Variants in KIF2C observed in about 807,000 individuals in gnomAD.
KIF2C encodes the protein kinesin family member 2C.
In KIF2C, 34 loss-of-function variants were observed where a neutral mutation model predicts 97.4. That is an observed-to-expected ratio of 0.35 (90% CI 0.27 to 0.46). The LOEUF (loss-of-function observed/expected upper bound fraction) is 0.46. KIF2C is among the 20% of genes least tolerant of loss of function. KIF2C has a pLI of 1.00. For missense variants in KIF2C, 750 were observed against 907.6 expected (o/e 0.83, Z 2.23); for synonymous variants, 313 against 318.2 (o/e 0.98, Z 0.17).
rs1162090060 is a variant in KIF2C, at chr1:44,767,183, C to G, written c.*4C>G. The G allele has an allele frequency of 1.9e-6, 3 of 1,613,636 alleles. No homozygotes were observed. The African/African-American group carries it at 4.0e-5, about 22-fold the overall frequency. On this transcript the variant is annotated 3_prime_UTR_variant, in exon 21 of 21. Transcript: ENST00000372224. ...CAGCAAGAAACGGCCCCAGTGACGA[C>G]TGCAAATAAAAATCTGTTTGGTTTG... is the stretch of plus-strand genomic sequence containing the variant.
At chr1:44,752,929 G>T (rs1321906642) in intron 5 of KIF2C, among the ~76,000 whole-genome samples, 1 of 152,170 alleles carries the variant, frequency 6.6e-6, no homozygotes, top group Non-Finnish European at 1.5e-5. Flanking sequence ...TACCCTTTAA[G>T]ATATTTTGAC....
intron 2 of KIF2C, among the ~76,000 whole-genome samples, chr1:44,744,315 C>T (rs1056788628): frequency 5.3e-5 from 8 of 152,120 alleles, no homozygotes; most frequent in African/African-American, 1.4e-4. Flanking sequence ...CCCATGTTGA[C>T]CAGGCTGGTC....
intron 17 of KIF2C, 42 bp from the exon 18 acceptor site, chr1:44,762,304 C>G (rs199580199): frequency 6.5e-7 from 1 of 1,540,894 alleles, no homozygotes; most frequent in African/African-American, 1.4e-5. Context: ...TGGTGAGTAC[C>G]AAGGGGGTGC....
At chr1:44,745,138 G>A (rs529442591) in intron 2 of KIF2C, among the ~76,000 whole-genome samples, 1 of 150,990 alleles carries the variant, frequency 6.6e-6, no homozygotes, top group East Asian at 2.0e-4. Flanking sequence ...CCAGTGAGCC[G>A]AGATCATGCC....
intron 5 of KIF2C, among the ~76,000 whole-genome samples, chr1:44,751,821 C>CTTTTTTT (rs375561958): frequency 1.0e-5 from 1 of 100,098 alleles, no homozygotes; most frequent in Non-Finnish European, 1.8e-5. Flanking sequence ...CTTTTTATAC[C>CTTTTTTT]TTTTTTTTTT....
In KIF2C at chr1:44,757,916, C is replaced by T. The variant is rs200367038; in HGVS notation, c.1077C>T (p.Gly359=). The change falls in exon 12 of 21, where the codon GGC becomes GGT. Residue 359 remains glycine, a synonymous_variant. Transcript: ENST00000372224. ...ACCCCTTCCCTTTGCAGACTATGGG[C>T]GGAGACCTCTCTGGGAAAGCCCAGA... ...QTGSGKTHTM[G]GDLSGKAQNA... 9.7e-5 allele frequency: 157 copies of T among 1,614,076 alleles called. No homozygotes were observed. In the African/African-American group the frequency reaches 1.3e-3, roughly 13 times the overall value.
intron 16 of KIF2C, 143 bp from the exon 17 acceptor site, chr1:44,761,773 C>T (rs567796303): frequency 8.8e-5 from 65 of 739,972 alleles, no homozygotes; most frequent in Middle Eastern, 6.3e-4. Flanking sequence ...TAGCACAGCG[C>T]GGTGCTAAAT....
chr1:44,756,650 T>C (rs1649854516), intron 10 of KIF2C, among the ~76,000 whole-genome samples: 1 of 150,140 alleles, frequency 6.7e-6, no homozygotes, highest in Admixed American at 6.7e-5. Context: ...CCTCCCAGGT[T>C]CCAGCGATTC....
chr1:44,752,668 G>A (rs1649590868), intron 5 of KIF2C, among the ~76,000 whole-genome samples: 1 of 152,200 alleles, frequency 6.6e-6, no homozygotes, highest in Non-Finnish European at 1.5e-5. Context: ...GAGGTGTTGT[G>A]GATTGGACCT....
chr1:44,752,624 A>G (rs939487659), intron 5 of KIF2C, among the ~76,000 whole-genome samples: 3 of 152,360 alleles, frequency 2.0e-5, no homozygotes, highest in Admixed American at 1.3e-4. Context: ...GATGAAGGTA[A>G]ATGAATGGGT....
At chr1:44,750,232 C>T in intron 4 of KIF2C, 1 of 408,898 alleles carries the variant, frequency 2.4e-6, no homozygotes, top group South Asian at 8.4e-5. Context: ...CCCTCAGGAG[C>T]TCCTAGATTT....
intron 2 of KIF2C, among the ~76,000 whole-genome samples, 187 bp from the exon 3 acceptor site, chr1:44,747,197 A>G (rs1242384127): frequency 6.6e-6 from 1 of 151,526 alleles, no homozygotes; most frequent in African/African-American, 2.4e-5. Context: ...AGTCCCAGCT[A>G]CTCAGGAGGC....
At chr1:44,750,681 T>C in intron 5 of KIF2C, 117 bp downstream of exon 5, 1 of 1,197,166 alleles carries the variant, frequency 8.4e-7, no homozygotes, top group South Asian at 3.0e-5. Context: ...ACTGGTCTGC[T>C]CCTGCCCTAC....
chr1:44,756,284 C>CT lies in KIF2C; in HGVS notation c.977+54dup, dbSNP rs577081007. 105 of 1,586,938 alleles carry CT rather than the reference C, an allele frequency of 6.6e-5. No homozygotes were observed. In the African/African-American group the frequency reaches 1.2e-3, roughly 19 times the overall value. ...TTCCCTCCTTGTGCCCTTCCATCCC[C>CT]TTTTTTTGTGGGACATCGTGGTAAC... On this transcript the variant is annotated intron_variant, in intron 10 of 20. Transcript: ENST00000372224.
At chr1:44,755,101 T>C in intron 8 of KIF2C, among the ~76,000 whole-genome samples, 1 of 151,902 alleles carries the variant, frequency 6.6e-6, no homozygotes, top group East Asian at 1.9e-4. Flanking sequence ...GGACCATAGA[T>C]GCATTCCACC....
intron 4 of KIF2C, 63 bp from the exon 5 acceptor site, chr1:44,750,379 G>A: frequency 7.6e-7 from 1 of 1,320,794 alleles, no homozygotes. Flanking sequence ...AAACTTGGAG[G>A]TTTGCCCCTG....
intron 2 of KIF2C, among the ~76,000 whole-genome samples, chr1:44,742,330 C>T (rs1216778126): frequency 6.6e-6 from 1 of 151,816 alleles, no homozygotes; most frequent in Admixed American, 6.6e-5. Context: ...GGGATGGTCT[C>T]GATCTCCTGA....
intron 2 of KIF2C, chr1:44,746,290 A>T (rs1223949859): frequency 2.4e-6 from 2 of 841,016 alleles, no homozygotes; most frequent in Non-Finnish European, 2.9e-6. Flanking sequence ...AACCTGTTGT[A>T]AAGCTATCCT....
rs774709836 is a variant in KIF2C at position 44,750,548 on chromosome 1, G to A, written c.423G>A (p.Lys141=). The change falls in exon 5 of 21, where the codon AAG becomes AAA. Residue 141 remains lysine, a synonymous_variant. Transcript: ENST00000372224. The part of the protein sequence containing the change: ...VELPAAANSR[K]QFSVPPAPTR... ...TGCCTGCAGCTGCAAACTCCCGCAA[G>A]CAGTTTTCAGTTCCTCGTGAGTAAC... The A allele has an allele frequency of 5.7e-6, 9 of 1,575,482 alleles. No individual in the cohort carries two copies. The South Asian group carries it at 1.0e-4, about 18-fold the overall frequency.
Sources: gnomAD v4.1 joint callset for allele counts (sites outside exome capture counted in the v4.1 genomes callset) on GRCh38, gnomAD v4.1.1 for gene constraint, MANE v1.5 for transcripts, NCBI Gene and HGNC (gene_info 2026-07-23, HGNC 2026-07-21) for gene names.